The following CLTB variants were observed in gnomAD, a reference collection of about 807,000 sequenced individuals.
The protein encoded by CLTB is clathrin light chain B, also known as clathrin, light chain (Lcb).
In CLTB, 10 loss-of-function variants were observed where a neutral mutation model predicts 30.5. That is an observed-to-expected ratio of 0.33 (90% confidence interval 0.20 to 0.56). The LOEUF is 0.56. Ranked by LOEUF, CLTB falls within the 20% of genes least tolerant of loss-of-function variation. CLTB has a pLI of 0.91. For synonymous variants in CLTB, 102 were observed against 120.3 expected (o/e 0.85, Z 1.00); for missense variants, 261 against 308.3 (o/e 0.85, Z 1.15).
At chr5:176,406,747 T>C in intron 2 of CLTB, 1 of 1,262,344 alleles carries the variant, frequency 7.9e-7, no homozygotes, top group South Asian at 1.3e-5. Flanking sequence ...AAAAGCTCTG[T>C]CTGGGATCCT....
chr5:176,398,050 A>C lies in CLTB; in HGVS notation c.235-3T>G. ...CCATCAGCAGGACCGTTGGCCTCCT[A>C]GAACACAAACACGCAGCAGTCTATC... is the stretch of plus-strand genomic sequence containing the variant. On this transcript the variant is annotated splice_region_variant and splice_polypyrimidine_tract_variant and intron_variant, in intron 2 of 5. Coordinates refer to ENST00000310418, the MANE Select transcript of CLTB (RefSeq NM_007097.5). 6.2e-7 allele frequency: 1 copy of C among 1,613,514 alleles called. No homozygotes were observed.
In CLTB at chr5:176,416,525, C is replaced by G. The variant is rs965696335; in HGVS notation, c.-162G>C. 8.5e-5 allele frequency: 37 copies of G among 432,922 alleles called. No homozygotes were observed. Among genetic ancestry groups the G allele is most frequent in the African/African-American group, 6.0e-4 (28 of 46,954 alleles). The allele number at this position is 432,922 out of a possible 1,614,324, so 26.8% of individuals were successfully genotyped here. A position where few individuals can be genotyped will look rare whatever the true frequency, so the allele number is the denominator to read the frequency against. On this transcript the variant is annotated 5_prime_UTR_variant, in exon 1 of 6. Coordinates refer to ENST00000310418, the MANE Select transcript of CLTB (RefSeq NM_007097.5). ...CGCACTTCCTCTCCGCCACCGGGCC[C>G]GGCTGGCTGTCACTGCGGTGCGGGC...
chr5:176,412,869 T>A (rs1264845889), intron 1 of CLTB, among the ~76,000 whole-genome samples: 2 of 152,006 alleles, frequency 1.3e-5, no homozygotes, highest in Admixed American at 6.6e-5. Flanking sequence ...TGCTGGGGTG[T>A]CTCCTCTAGC....
chr5:176,416,109 C>T, intron 1 of CLTB, 68 bp downstream of exon 1: 1 of 1,396,498 alleles, frequency 7.2e-7, no homozygotes, highest in Non-Finnish European at 9.3e-7. Flanking sequence ...TCCCTGTGCC[C>T]CTGGGCCCCG....
intron 2 of CLTB, chr5:176,405,502 A>AG: frequency 6.7e-6 from 1 of 148,712 alleles, no homozygotes. Flanking sequence ...AAAAAAAAAA[A>AG]AAAAAAGAAA....
rs1222745921 is a variant in CLTB at position 176,393,047 on chromosome 5, C to T, written c.519-102G>A. 2.3e-6 allele frequency: 3 copies of T among 1,305,660 alleles called. No individual in the cohort carries two copies. The South Asian group carries it at 3.8e-5, about 17-fold the overall frequency. The allele number at this position is 1,305,660 out of a possible 1,614,324, so 80.9% of individuals were successfully genotyped here. On this transcript the variant is annotated intron_variant, in intron 5 of 5. Coordinates refer to ENST00000310418, the MANE Select transcript of CLTB (RefSeq NM_007097.5). The surrounding 1 kb of genome is among the most constrained non-coding windows in gnomAD (Gnocchi z 4.4). ...CCAGCCTACTCTGGGGCACTGTGTC[C>T]TCCCCAGCCTTGTGCCCCCCTGACT...
At chr5:176,401,659 T>G (rs1561794920) in intron 2 of CLTB, 2 of 449,768 alleles carry the variant, frequency 4.4e-6, no homozygotes, top group South Asian at 3.1e-5. Context: ...GGCTGCCTCC[T>G]GCAATCGTCA....
chr5:176,416,538 C>G lies in CLTB; in HGVS notation c.-175G>C. 2.8e-6 allele frequency: 1 copy of G among 356,588 alleles called. No homozygotes were observed. The highest frequency in any genetic ancestry group is 4.5e-6 in the Non-Finnish European group (1 of 224,236). The allele number at this position is 356,588 out of a possible 1,614,324, so 22.1% of individuals were successfully genotyped here. A position where few individuals can be genotyped will look rare whatever the true frequency, so the allele number is the denominator to read the frequency against. On this transcript the variant is annotated 5_prime_UTR_variant, in exon 1 of 6. Transcript: ENST00000310418. ...CGCCACCGGGCCCGGCTGGCTGTCA[C>G]TGCGGTGCGGGCGCCGCGGCGGGAG...
chr5:176,396,468 C>G lies in CLTB; in HGVS notation c.518+11G>C, dbSNP rs369257313. ...TAGCTCCCCCAACAGAGAAGCAAAA[C>G]AGACACGTACACGTAGCCGATGATA... On this transcript the variant is annotated intron_variant, in intron 5 of 5. Transcript: ENST00000310418. The G allele has an allele frequency of 6.2e-7, 1 of 1,612,642 alleles. No homozygotes were observed. The highest frequency in any genetic ancestry group is 1.1e-5 in the South Asian group (1 of 91,052).
Position 176,416,207 on chromosome 5 carries a change from C to T in CLTB, c.157G>A (p.Ala53Thr). The T allele has an allele frequency of 6.3e-7, 1 of 1,593,544 alleles. No individual in the cohort carries two copies. Among genetic ancestry groups the T allele is most frequent in the South Asian group, 1.1e-5 (1 of 89,222 alleles). ...GFGAPAGSHA[A>T]PAQPGPTSGA... ...CTCGTGGGGCCCGGCTGCGCGGGGG[C>T]CGCATGGCTGCCGGCAGGTGCCCCG... The change falls in exon 1 of 6, where the codon GCC becomes ACC. Residue 53 changes from alanine to threonine, a missense_variant. This residue lies in a region of CLTB where 113 missense variants were observed against 102.5 expected (regional missense o/e 1.10). Transcript: ENST00000310418.
intron 2 of CLTB, among the ~76,000 whole-genome samples, chr5:176,409,268 C>A (rs1757296352): frequency 1.4e-5 from 2 of 147,546 alleles, no homozygotes; most frequent in African/African-American, 5.1e-5. Flanking sequence ...GCCACCACGC[C>A]CAGCCCAAAC....
At chr5:176,394,560 G>A (rs1025931084) in intron 5 of CLTB, among the ~76,000 whole-genome samples, 4 of 151,930 alleles carry the variant, frequency 2.6e-5, no homozygotes, top group Non-Finnish European at 4.4e-5. Flanking sequence ...GCTCATGCCT[G>A]TAATCCCAGC....
intron 4 of CLTB, among the ~76,000 whole-genome samples, chr5:176,397,294 A>G (rs780140548): frequency 2.6e-5 from 4 of 151,594 alleles, no homozygotes; most frequent in Non-Finnish European, 4.4e-5. Context: ...GTGTTCAGTC[A>G]TGTCCCCACA....
At chr5:176,414,468 G>A (rs1169959615) in intron 1 of CLTB, among the ~76,000 whole-genome samples, 1 of 145,108 alleles carries the variant, frequency 6.9e-6, no homozygotes, top group Non-Finnish European at 1.5e-5. Flanking sequence ...GTCTCACTCT[G>A]CTGCCCAGGC....
At chr5:176,415,500 T>C (rs1029892701) in intron 1 of CLTB, among the ~76,000 whole-genome samples, 3 of 152,024 alleles carry the variant, frequency 2.0e-5, no homozygotes, top group African/African-American at 7.3e-5. Flanking sequence ...CTGGGCAACA[T>C]AGCGAGACCC....
rs768545653 is a variant in CLTB, at chr5:176,392,742, C to T, written c.*32G>A. The T allele has an allele frequency of 5.6e-6, 9 of 1,611,196 alleles. No homozygotes were observed. The highest frequency in any genetic ancestry group is 7.6e-6 in the Non-Finnish European group (9 of 1,178,534). On this transcript the variant is annotated 3_prime_UTR_variant, in exon 6 of 6. Coordinates refer to ENST00000310418, the MANE Select transcript of CLTB (RefSeq NM_007097.5). This position sits in a 1 kb window ranked among gnomAD's most constrained non-coding sequence, Gnocchi z 5.2. ...TGCTCCTCCTGTGCCCAGGCCCAGC[C>T]CATGCTCTGTGGCCATGCACCTAGC... is the stretch of plus-strand genomic sequence containing the variant.
At chr5:176,411,700 T>C (rs1410598388) in intron 1 of CLTB, among the ~76,000 whole-genome samples, 1 of 152,134 alleles carries the variant, frequency 6.6e-6, no homozygotes, top group Non-Finnish European at 1.5e-5. Context: ...TAACAAGGAC[T>C]CAATAAATAT....
intron 5 of CLTB, among the ~76,000 whole-genome samples, chr5:176,394,600 G>A (rs530742416): frequency 2.0e-4 from 29 of 147,762 alleles, no homozygotes; most frequent in Admixed American, 3.3e-4. Context: ...GGCGGATCAC[G>A]AGGTCAGATG....
chr5:176,405,489 CAAAAAAAAAAAA>C (rs988554368), intron 2 of CLTB: 4 of 52,240 alleles, frequency 7.7e-5, no homozygotes, highest in Admixed American at 2.1e-4. Flanking sequence ...CCCTGTCTCT[CAAAAAAAAAAAA>C]AAAAAAAGAA....
Sources: allele counts gnomAD v4.1 joint callset (sites outside exome capture counted in the v4.1 genomes callset), GRCh38; gene constraint gnomAD v4.1.1; regional missense constraint gnomAD v4.1.1; non-coding constraint Gnocchi (gnomAD v3.1); transcripts MANE v1.5; gene names NCBI Gene and HGNC (gene_info 2026-07-23, HGNC 2026-07-21).